Variants in TPCN1 observed in about 807,000 individuals in gnomAD.
TPCN1 encodes two pore segment channel 1.
A neutral mutation model predicts 108.8 loss-of-function variants in TPCN1; 52 were observed. The ratio of observed to expected loss-of-function variants is 0.48; its 90% CI spans 0.38 to 0.60. The LOEUF (loss-of-function observed/expected upper bound fraction) is 0.60. Among genes scored for constraint, TPCN1 ranks in the 20% least tolerant of loss-of-function variants. The pLI, the probability that TPCN1 is intolerant of heterozygous loss-of-function variation, is 0.00. For synonymous variants in TPCN1, 446 were observed against 433.7 expected (o/e 1.03, Z -0.35); for missense variants, 806 against 1,072.8 (o/e 0.75, Z 3.47).
At chr12:113,225,216 A>G (rs1372965841) in intron 1 of TPCN1, 2 of 452,942 alleles carry the variant, frequency 4.4e-6, no homozygotes, top group Non-Finnish European at 8.8e-6. Flanking sequence ...CATCATACCC[A>G]GCTAATTTAA....
chr12:113,292,869 G>A (rs529315458), intron 25 of TPCN1, 65 bp from the exon 26 acceptor site: 16 of 1,567,886 alleles, frequency 1.0e-5, no homozygotes, highest in Middle Eastern at 2.3e-4. Context: ...AAGGAGGTAC[G>A]AGACCCAGCC....
chr12:113,226,168 A>G (rs577396595), intron 1 of TPCN1, among the ~76,000 whole-genome samples: 34 of 149,856 alleles, frequency 2.3e-4, no homozygotes, highest in Non-Finnish European at 4.1e-4. Flanking sequence ...TGATCTTCCC[A>G]CCACAGCCTT....
intron 2 of TPCN1, among the ~76,000 whole-genome samples, chr12:113,243,845 G>T (rs1266910861): frequency 6.6e-6 from 1 of 152,184 alleles, no homozygotes; most frequent in Non-Finnish European, 1.5e-5. Context: ...TGTCTGTTGT[G>T]TGTTCCTCAT....
At position 113,278,289 on chromosome 12, in the gene TPCN1, G is replaced by A. The variant is rs377576418; in HGVS notation, c.1233+52G>A. On this transcript the variant is annotated intron_variant, in intron 13 of 27. Transcript: ENST00000335509. ...GGAGTAGACAGAGAGGTCCCCACGTGGGGCAGTGAGGAGCAGGGGCACCCC... is the reference window on the plus strand; with the variant it reads ...GGAGTAGACAGAGAGGTCCCCACGTAGGGCAGTGAGGAGCAGGGGCACCCC... The A allele has an allele frequency of 1.4e-4, 214 of 1,528,746 alleles. No homozygotes were observed. The African/African-American group carries it at 2.6e-3, about 19-fold the overall frequency. The allele number at this position is 1,528,746 out of a possible 1,614,324, so 94.7% of individuals were successfully genotyped here.
In TPCN1 at chr12:113,272,650, A is replaced by ACTT; in HGVS notation, c.749-5_749-3dup. 3.7e-6 allele frequency: 6 copies of ACTT among 1,613,440 alleles called. No homozygotes were observed. The highest frequency in any genetic ancestry group is 5.1e-6 in the Non-Finnish European group (6 of 1,179,490). On this transcript the variant is annotated splice_polypyrimidine_tract_variant and splice_region_variant and intron_variant, in intron 7 of 27. Coordinates refer to ENST00000335509, the MANE Select transcript of TPCN1 (RefSeq NM_017901.6). This position sits in a 1 kb window ranked among gnomAD's most constrained non-coding sequence, Gnocchi z 4.1. The stretch of plus-strand genomic sequence containing the variant: ...TCCTTTTGTTTATCTGTTTCCACCC[A>ACTT]CTTCTAGGTTTCTACTTGTTCTCCC...
chr12:113,284,679 C>G lies in TPCN1; in HGVS notation c.1400-39C>G. The G allele has an allele frequency of 6.2e-7, 1 of 1,614,212 alleles. No homozygotes were observed. Among genetic ancestry groups the G allele is most frequent in the Non-Finnish European group, 8.5e-7 (1 of 1,180,020 alleles). ...GACTGGCCGTGTCCTGGCCGGCACA[C>G]CTGGCTTACCTGTGAGCTGCTACTT... On this transcript the variant is annotated intron_variant, in intron 16 of 27. Transcript: ENST00000335509. The surrounding 1 kb of genome is among the most constrained non-coding windows in gnomAD (Gnocchi z 4.1).
chr12:113,296,205 A>G lies in TPCN1; in HGVS notation c.*129A>G. The G allele has an allele frequency of 7.2e-7, 1 of 1,393,140 alleles. No individual in the cohort carries two copies. Among genetic ancestry groups the G allele is most frequent in the Middle Eastern group, 2.2e-4 (1 of 4,536 alleles). The allele number at this position is 1,393,140 out of a possible 1,614,324, so 86.3% of individuals were successfully genotyped here. ...ATATTTATATACAGGAAGAAAAAAGACAGACAAGATGGGGCTTGGTTTATA... is the reference window on the plus strand; with the variant it reads ...ATATTTATATACAGGAAGAAAAAAGGCAGACAAGATGGGGCTTGGTTTATA... On this transcript the variant is annotated 3_prime_UTR_variant, in exon 28 of 28. Coordinates refer to ENST00000335509, the MANE Select transcript of TPCN1 (RefSeq NM_017901.6).
chr12:113,234,010 A>G (rs1953793734), intron 2 of TPCN1, among the ~76,000 whole-genome samples: 1 of 152,124 alleles, frequency 6.6e-6, no homozygotes, highest in Non-Finnish European at 1.5e-5. Context: ...TTCTATCTTT[A>G]TCCTTTTTTT....
chr12:113,288,651 A>G lies in TPCN1; in HGVS notation c.1707-107A>G. 1 of 1,556,570 alleles carries G rather than the reference A, an allele frequency of 6.4e-7. No homozygotes were observed. The highest frequency in any genetic ancestry group is 1.2e-5 in the South Asian group (1 of 84,642). On this transcript the variant is annotated intron_variant, in intron 20 of 27. Coordinates refer to ENST00000335509, the MANE Select transcript of TPCN1 (RefSeq NM_017901.6). This position sits in a 1 kb window ranked among gnomAD's most constrained non-coding sequence, Gnocchi z 4.8. ...GCACTTTCCAGTTGGTGAACCGACC[A>G]GGGGCATGGCCCTGCAGTCAGCCCC...
intron 2 of TPCN1, among the ~76,000 whole-genome samples, chr12:113,243,901 C>T (rs906070956): frequency 3.9e-5 from 6 of 152,172 alleles, no homozygotes; most frequent in Non-Finnish European, 8.8e-5. Flanking sequence ...TCACTGCCCC[C>T]GATGATTTTG....
chr12:113,256,384 G>C (rs1247989862), intron 2 of TPCN1, among the ~76,000 whole-genome samples: 1 of 151,914 alleles, frequency 6.6e-6, no homozygotes, highest in African/African-American at 2.4e-5. Context: ...CTGGATTAGG[G>C]ACAAAGAAAT....
intron 1 of TPCN1, among the ~76,000 whole-genome samples, chr12:113,223,402 A>C (rs1953337593): frequency 6.7e-6 from 1 of 148,700 alleles, no homozygotes; most frequent in Non-Finnish European, 1.5e-5. Context: ...TGCTGTTTGC[A>C]AGTTCAAAGG....
intron 2 of TPCN1, among the ~76,000 whole-genome samples, chr12:113,228,298 T>A (rs1331394373): frequency 1.3e-5 from 2 of 152,192 alleles, no homozygotes; most frequent in African/African-American, 4.8e-5. Context: ...CCTTTTTTCT[T>A]CATCACCCTT....
chr12:113,284,729 T>C lies in TPCN1; in HGVS notation c.1411T>C (p.Phe471Leu). ...ETFMLKGGNF[F>L]SKHVPWSYLV... ...TCTCTGTCTTACAGGTGGGAACTTC[T>C]TCTCCAAGCACGTGCCCTGGAGTTA... Residue 471 changes from phenylalanine to leucine, a missense_variant, in exon 17 of 28, where the codon TTC becomes CTC. By Grantham distance (22) the Phe-to-Leu change is conservative. Transcript: ENST00000335509. This position sits in a 1 kb window ranked among gnomAD's most constrained non-coding sequence, Gnocchi z 4.1. The C allele has an allele frequency of 6.2e-7, 1 of 1,614,236 alleles. No homozygotes were observed. The highest frequency in any genetic ancestry group is 1.1e-5 in the South Asian group (1 of 91,086).
chr12:113,296,498 C>G lies in TPCN1; in HGVS notation c.*422C>G, dbSNP rs1956433968. The G allele has an allele frequency of 5.8e-6, 1 of 172,946 alleles. No homozygotes were observed. Among genetic ancestry groups the G allele is most frequent in the African/African-American group, 2.4e-5 (1 of 42,402 alleles). 10.7% of individuals were successfully genotyped at this position (172,946 alleles called of 1,614,324 possible). ...CGCCCCCTCTCCCTGCGGCCCATGC[C>G]ACAGGTTTCTGTGTTTTGCTTTAGG... On this transcript the variant is annotated 3_prime_UTR_variant, in exon 28 of 28. Transcript: ENST00000335509.
intron 2 of TPCN1, among the ~76,000 whole-genome samples, chr12:113,248,000 C>A (rs1436039749): frequency 6.6e-6 from 1 of 152,200 alleles, no homozygotes; most frequent in East Asian, 1.9e-4. Flanking sequence ...TCTTATTCTC[C>A]CCTTTCCCTT....
At chr12:113,247,000 G>C (rs1954420554) in intron 2 of TPCN1, among the ~76,000 whole-genome samples, 1 of 152,150 alleles carries the variant, frequency 6.6e-6, no homozygotes, top group Non-Finnish European at 1.5e-5. Flanking sequence ...TTCTGCCCAG[G>C]GTCTGTGGGC....
In TPCN1 at chr12:113,290,205, A is replaced by G; in HGVS notation, c.1874A>G (p.Tyr625Cys). The G allele has an allele frequency of 6.2e-7, 1 of 1,606,526 alleles. No homozygotes were observed. The highest frequency in any genetic ancestry group is 8.5e-7 in the Non-Finnish European group (1 of 1,176,000). ...GNRTVVEEGY[Y>C]YLNNFDNILN... ...AGGACCGTGGTGGAGGAAGGCTACT[A>G]TTATCTCAATAATTTTGACAACATC... The change falls in exon 22 of 28, where the codon TAT (tyrosine) becomes TGT (cysteine). Residue 625 changes from tyrosine to cysteine, a missense_variant. Physicochemically the swap from Tyr to Cys is radical, Grantham distance 194 (BLOSUM62 -2). Coordinates refer to ENST00000335509, the MANE Select transcript of TPCN1 (RefSeq NM_017901.6).
At chr12:113,248,832 A>G (rs1005590503) in intron 2 of TPCN1, among the ~76,000 whole-genome samples, 1 of 152,236 alleles carries the variant, frequency 6.6e-6, no homozygotes, top group Admixed American at 6.5e-5. Flanking sequence ...ACACACACGC[A>G]CACACACGAT....
Sources: allele counts gnomAD v4.1 joint callset (sites outside exome capture counted in the v4.1 genomes callset), GRCh38; gene constraint gnomAD v4.1.1; non-coding constraint Gnocchi (gnomAD v3.1); transcripts MANE v1.5; gene names NCBI Gene and HGNC (gene_info 2026-07-23, HGNC 2026-07-21).